The following RREB1 variants were observed in gnomAD, a reference collection of about 807,000 sequenced individuals.
RREB1 encodes the protein ras-responsive element-binding protein 1.
A neutral mutation model predicts 117.8 loss-of-function variants in RREB1; 27 were observed. The observed-to-expected ratio is 0.23, with a 90% CI of 0.17 to 0.32. The LOEUF (loss-of-function observed/expected upper bound fraction) is 0.32, where lower values mean the gene tolerates loss of function less well. Ranked by LOEUF, RREB1 falls within the 10% of genes least tolerant of loss-of-function variation. The probability of loss-of-function intolerance (pLI) is 1.00; values close to 1 mark genes in which losing one functional copy is unlikely to be tolerated. For synonymous variants in RREB1, 1,298 were observed against 1,026.7 expected (o/e 1.26, Z -5.05); for missense variants, 2,577 against 2,378.2 (o/e 1.08, Z -1.74).
At chr6:7,180,024 A>G (rs1449089346) in intron 2 of RREB1, among the ~76,000 whole-genome samples, 1 of 151,252 alleles carries the variant, frequency 6.6e-6, no homozygotes, top group African/African-American at 2.4e-5. Context: ...GAAAGTATAG[A>G]TGTTTTTTTG....
chr6:7,205,511 A>G lies in RREB1; in HGVS notation c.426-5293A>G, dbSNP rs115266510. Among the ~76,000 whole-genome samples, 574 of 152,316 alleles carry G rather than the reference A, an allele frequency of 3.8e-3. 1 individual carries two copies. The highest frequency in any genetic ancestry group is 0.017 in the Middle Eastern group (5 of 294). On this transcript the variant is annotated intron_variant, in intron 6 of 12. Transcript: ENST00000379938. The stretch of plus-strand genomic sequence containing the variant: ...ATTGCATCACATGGTCTCTGTCTAC[A>G]CCATCTTTCCACCCAGATTCCTGAT...
chr6:7,153,358 C>T (rs1389262528), intron 1 of RREB1, among the ~76,000 whole-genome samples: 5 of 150,778 alleles, frequency 3.3e-5, no homozygotes, highest in African/African-American at 9.8e-5. Context: ...AAATTGAAAC[C>T]CTTTACTCTT....
chr6:7,239,756 A>G (rs1455075533), intron 10 of RREB1, among the ~76,000 whole-genome samples: 1 of 152,260 alleles, frequency 6.6e-6, no homozygotes, highest in African/African-American at 2.4e-5. Context: ...AGCAGGGGGA[A>G]CAAAGAACCT....
intron 1 of RREB1, among the ~76,000 whole-genome samples, chr6:7,127,887 C>G (rs1015556681): frequency 1.3e-5 from 2 of 152,024 alleles, no homozygotes; most frequent in Admixed American, 6.6e-5. Flanking sequence ...GGATCCACCC[C>G]CTTCACTGCA....
chr6:7,126,520 C>G (rs570770060), intron 1 of RREB1, among the ~76,000 whole-genome samples: 2 of 149,286 alleles, frequency 1.3e-5, no homozygotes, highest in Admixed American at 6.7e-5. Context: ...CTGCCTGCCT[C>G]CGCCTCCCAA....
At position 7,248,492 on chromosome 6, in the gene RREB1, C is replaced by T; in HGVS notation, c.4772-19C>T. 1 of 1,608,186 alleles carries T rather than the reference C, an allele frequency of 6.2e-7. No individual in the cohort carries two copies. The highest frequency in any genetic ancestry group is 1.1e-5 in the South Asian group (1 of 90,812). ...TGGTGCCTTTTGGTTAATGGAAATT[C>T]TTTCTTCCATTGTTCCAGGGGAAAG... On this transcript the variant is annotated intron_variant, in intron 12 of 12. Transcript: ENST00000379938.
intron 8 of RREB1, 81 bp downstream of exon 8, chr6:7,211,790 C>A: frequency 7.1e-7 from 1 of 1,410,836 alleles, no homozygotes; most frequent in Non-Finnish European, 9.9e-7. Flanking sequence ...CGTTACTCCA[C>A]ACCGGGCTCC....
At chr6:7,176,345 A>C (rs929264961) in intron 1 of RREB1, among the ~76,000 whole-genome samples, 2 of 152,182 alleles carry the variant, frequency 1.3e-5, no homozygotes, top group Admixed American at 1.3e-4. Flanking sequence ...ATTAGGATGC[A>C]CGAAGCTCCC....
chr6:7,189,135 C>G, intron 5 of RREB1, 24 bp from the exon 6 acceptor site: 1 of 1,599,440 alleles, frequency 6.3e-7, no homozygotes, highest in Non-Finnish European at 8.5e-7. Flanking sequence ...CTTAAGTGAC[C>G]GCTGTGACCA....
intron 11 of RREB1, 67 bp from the exon 12 acceptor site, chr6:7,246,357 G>T: frequency 1.5e-6 from 2 of 1,368,992 alleles, no homozygotes; most frequent in South Asian, 1.5e-5. Context: ...CATTCCCGGC[G>T]ACATCCCTGG....
intron 1 of RREB1, among the ~76,000 whole-genome samples, chr6:7,130,817 A>G (rs1406226376): frequency 1.3e-5 from 2 of 150,468 alleles, no homozygotes; most frequent in Admixed American, 1.3e-4. Flanking sequence ...GGGTTTTACC[A>G]TGTCGGCCAG....
At chr6:7,211,887 G>A in intron 8 of RREB1, 178 bp downstream of exon 8, 2 of 643,920 alleles carry the variant, frequency 3.1e-6, no homozygotes, top group Non-Finnish European at 5.4e-6. Flanking sequence ...GTTGTCAGAG[G>A]GTGGCTGTAT....
At chr6:7,116,913 C>G (rs1399997920) in intron 1 of RREB1, among the ~76,000 whole-genome samples, 2 of 152,124 alleles carry the variant, frequency 1.3e-5, no homozygotes, top group Non-Finnish European at 2.9e-5. Flanking sequence ...GAGATGGGCA[C>G]ACAGATCAAA....
intron 12 of RREB1, among the ~76,000 whole-genome samples, chr6:7,248,234 G>A (rs1219517039): frequency 6.6e-6 from 1 of 152,220 alleles, no homozygotes; most frequent in Non-Finnish European, 1.5e-5. Flanking sequence ...ATCTCCTGAG[G>A]CTTCTGCTTC....
At chr6:7,227,328 G>T (rs1456032670) in intron 9 of RREB1, among the ~76,000 whole-genome samples, 1 of 151,832 alleles carries the variant, frequency 6.6e-6, no homozygotes, top group African/African-American at 2.4e-5. Context: ...GGATCATGAG[G>T]TCAGGAGTTC....
In RREB1 at chr6:7,219,092, C is replaced by CAAAAAA. The variant is rs57534871; in HGVS notation, c.708-7349_708-7344dup. ...GCGAAACTCCATCTCTACTAAAATA[C>CAAAAAA]AAAAAAAAAAAAAAAAAAAAAAAAA... On this transcript the variant is annotated intron_variant, in intron 8 of 12. Transcript: ENST00000379938. 23 of 40,528 alleles carry CAAAAAA rather than the reference C, an allele frequency of 5.7e-4. 1 individual carries two copies. The highest frequency in any genetic ancestry group is 1.1e-3 in the African/African-American group (10 of 9,132). The allele number at this position is 40,528 out of a possible 1,614,324, so 2.5% of individuals were successfully genotyped here.
intron 1 of RREB1, among the ~76,000 whole-genome samples, chr6:7,163,953 C>T (rs1053226313): frequency 1.3e-5 from 2 of 152,112 alleles, no homozygotes; most frequent in Admixed American, 6.5e-5. Context: ...GAGTACTTGC[C>T]GTTTGGCCGG....
At chr6:7,134,262 C>T (rs1336524487) in intron 1 of RREB1, among the ~76,000 whole-genome samples, 1 of 152,138 alleles carries the variant, frequency 6.6e-6, no homozygotes, top group Non-Finnish European at 1.5e-5. Context: ...GTCTTATTAC[C>T]CCAAACCCGT....
chr6:7,229,599 C>G lies in RREB1; in HGVS notation c.1500C>G (p.Ile500Met). 6.2e-7 allele frequency: 1 copy of G among 1,612,398 alleles called. No individual in the cohort carries two copies. Among genetic ancestry groups the G allele is most frequent in the African/African-American group, 1.3e-5 (1 of 75,042 alleles). ...CCCCTGCCGCCCCACTGCAGGCGAT[C>G]TTCAAGCACATGCCCCCTCTGAAGC... ...SKAPAAPLQA[I>M]FKHMPPLKPK... The change falls in exon 10 of 13, where the codon ATC (isoleucine) becomes ATG (methionine). Residue 500 changes from isoleucine to methionine, a missense_variant. Transcript: ENST00000379938. This position sits in a 1 kb window ranked among gnomAD's most constrained non-coding sequence, Gnocchi z 4.5.
Sources: allele counts gnomAD v4.1 joint callset (sites outside exome capture counted in the v4.1 genomes callset), GRCh38; gene constraint gnomAD v4.1.1; non-coding constraint Gnocchi (gnomAD v3.1); transcripts MANE v1.5; gene names NCBI Gene and HGNC (gene_info 2026-07-23, HGNC 2026-07-21).